SNX24: variants seen among roughly 807,000 people sequenced by gnomAD.
SNX24 encodes the protein sorting nexin 24.
SNX24 carries 22 observed loss-of-function variants against 28.7 expected under a neutral mutation model. The ratio of observed to expected loss-of-function variants is 0.77; its 90% CI spans 0.55 to 1.10. The LOEUF is 1.10. Among genes scored for constraint, SNX24 ranks in the 50% least tolerant of loss-of-function variants. The pLI, the probability that SNX24 is intolerant of heterozygous loss-of-function variation, is 0.00. For synonymous variants in SNX24, 69 were observed against 71.5 expected (o/e 0.96, Z 0.18); for missense variants, 221 against 201.1 (o/e 1.10, Z -0.60).
intron 6 of SNX24, among the ~76,000 whole-genome samples, chr5:123,003,712 A>C (rs1388368255): frequency 6.6e-6 from 1 of 152,238 alleles, no homozygotes; most frequent in Admixed American, 6.5e-5. Context: ...GACAGTGAAG[A>C]ACAGGAGGAA....
chr5:122,885,027 A>G (rs1174103112), intron 1 of SNX24, among the ~76,000 whole-genome samples: 1 of 152,174 alleles, frequency 6.6e-6, no homozygotes, highest in Admixed American at 6.5e-5. Context: ...TTGAAATGAG[A>G]GTGGTATAAA....
At chr5:122,973,249 G>T (rs1404821788) in intron 3 of SNX24, among the ~76,000 whole-genome samples, 2 of 152,260 alleles carry the variant, frequency 1.3e-5, no homozygotes, top group East Asian at 3.9e-4. Flanking sequence ...CCAAACCATT[G>T]GCTATAGCCC....
intron 1 of SNX24, among the ~76,000 whole-genome samples, chr5:122,872,789 G>A (rs1225538972): frequency 1.3e-5 from 2 of 151,472 alleles, no homozygotes; most frequent in Non-Finnish European, 2.9e-5. Flanking sequence ...ACTGAGGGCC[G>A]ACTGTATCAC....
chr5:122,951,765 A>G (rs1759952359), intron 3 of SNX24, among the ~76,000 whole-genome samples: 1 of 152,254 alleles, frequency 6.6e-6, no homozygotes, highest in Admixed American at 6.5e-5. Context: ...GATAGAGCAC[A>G]AAAAGCAGCA....
At chr5:122,919,451 A>C (rs984395040) in intron 1 of SNX24, among the ~76,000 whole-genome samples, 33 of 152,240 alleles carry the variant, frequency 2.2e-4, no homozygotes, top group Non-Finnish European at 4.0e-4. Context: ...AAAAAAGTAC[A>C]AAACTCATTT....
intron 3 of SNX24, among the ~76,000 whole-genome samples, chr5:122,955,812 T>C (rs546852710): frequency 7.2e-5 from 11 of 152,278 alleles, no homozygotes; most frequent in African/African-American, 2.6e-4. Context: ...TACCAAGTGG[T>C]GAAAGCCCTG....
At chr5:122,947,796 G>T (rs1581784880) in intron 3 of SNX24, among the ~76,000 whole-genome samples, 1 of 152,316 alleles carries the variant, frequency 6.6e-6, no homozygotes, top group East Asian at 1.9e-4. Context: ...TTGTAAGCCA[G>T]ATTTTCCATG....
downstream of SNX24, among the ~76,000 whole-genome samples, chr5:123,013,175 T>C (rs1416108951): frequency 6.6e-6 from 1 of 152,270 alleles, no homozygotes; most frequent in African/African-American, 2.4e-5. Context: ...GGAAGTTGTA[T>C]ATTCATTCAT....
chr5:122,951,028 G>A (rs1561644697), intron 3 of SNX24, among the ~76,000 whole-genome samples: 2 of 152,104 alleles, frequency 1.3e-5, no homozygotes, highest in Non-Finnish European at 2.9e-5. Flanking sequence ...AGCACTTTGG[G>A]AGGCCGAGGC....
In SNX24 at chr5:123,029,106, T is replaced by C. The variant is rs147794195; in HGVS notation, n.384-132T>C. 8.7e-4 allele frequency: 864 copies of C among 991,310 alleles called. 11 individuals are homozygous for C. In the East Asian group the frequency reaches 0.019, roughly 22 times the overall value. The allele number at this position is 991,310 out of a possible 1,614,324, so 61.4% of individuals were successfully genotyped here. On this transcript the variant is annotated intron_variant and non_coding_transcript_variant, in intron 5 of 5. Transcript: ENST00000502387. ...AAAGAGAGCAAACCATATTTTCACT[T>C]GATGATGATTTTCTCCCAATTTCCA...
At chr5:122,943,734 C>T (rs1187166435) in intron 2 of SNX24, among the ~76,000 whole-genome samples, 1 of 152,198 alleles carries the variant, frequency 6.6e-6, no homozygotes, top group African/African-American at 2.4e-5. Context: ...ATACAATACA[C>T]AATGTAATCA....
At chr5:122,880,551 G>A (rs1756433381) in intron 1 of SNX24, among the ~76,000 whole-genome samples, 1 of 152,174 alleles carries the variant, frequency 6.6e-6, no homozygotes, top group Admixed American at 6.5e-5. Flanking sequence ...CCTTCTAACT[G>A]AGTGCAAAGT....
intron 6 of SNX24, among the ~76,000 whole-genome samples, chr5:123,003,940 A>G (rs533766590): frequency 6.6e-6 from 1 of 152,318 alleles, no homozygotes; most frequent in South Asian, 2.1e-4. Context: ...AGTTTCACGA[A>G]TCAGATTCTT....
rs73799908 is a variant in SNX24, at chr5:122,951,464, T to G, written c.249+5305T>G. ...GTTATGAGCTAGACCATTAAGGAAT[T>G]TAGCATCTCATAGTGTTTACCAGTT... is the stretch of plus-strand genomic sequence containing the variant. On this transcript the variant is annotated intron_variant, in intron 3 of 6. Coordinates refer to ENST00000261369, the MANE Select transcript of SNX24 (RefSeq NM_014035.4). Among the ~76,000 whole-genome samples the G allele has an allele frequency of 3.3e-3, 505 of 152,236 alleles. 3 individuals are homozygous for G. Among genetic ancestry groups the G allele is most frequent in the African/African-American group, 0.011 (459 of 41,536 alleles).
At chr5:122,980,976 G>C (rs1237537911) in intron 3 of SNX24, among the ~76,000 whole-genome samples, 3 of 151,998 alleles carry the variant, frequency 2.0e-5, no homozygotes, top group Middle Eastern at 3.2e-3. Context: ...TGAGGTCAAA[G>C]GGAATCCGTA....
chr5:122,848,101 G>A (rs533728763), intron 1 of SNX24, among the ~76,000 whole-genome samples: 51 of 151,898 alleles, frequency 3.4e-4, no homozygotes, highest in African/African-American at 1.2e-3. Context: ...GATTATGTTT[G>A]TGTGAATGTG....
intron 3 of SNX24, among the ~76,000 whole-genome samples, chr5:122,997,670 G>A (rs562093213): frequency 3.2e-4 from 48 of 152,244 alleles, no homozygotes; most frequent in African/African-American, 1.1e-3. Flanking sequence ...TCCATACTGC[G>A]GTGATGGATG....
chr5:122,906,924 C>T (rs1757667824), intron 1 of SNX24, among the ~76,000 whole-genome samples: 1 of 152,150 alleles, frequency 6.6e-6, no homozygotes, highest in Non-Finnish European at 1.5e-5. Flanking sequence ...TGACTCTAGC[C>T]CCTGCTCATG....
intron 3 of SNX24, among the ~76,000 whole-genome samples, chr5:122,994,903 G>C (rs1662302952): frequency 6.6e-6 from 1 of 152,022 alleles, no homozygotes; most frequent in Non-Finnish European, 1.5e-5. Context: ...CAGTTTTACT[G>C]TTTATCAGAG....
Sources: allele counts gnomAD v4.1 joint callset (sites outside exome capture counted in the v4.1 genomes callset), GRCh38; gene constraint gnomAD v4.1.1; transcripts MANE v1.5; gene names NCBI Gene and HGNC (gene_info 2026-07-23, HGNC 2026-07-21).